The following SEMA6D variants were observed in gnomAD, a reference collection of about 807,000 sequenced individuals.
SEMA6D encodes semaphorin 6D, also known as semaphorin-6D.
In SEMA6D, 35 loss-of-function variants were observed where a neutral mutation model predicts 106.6. The ratio of observed to expected loss-of-function variants is 0.33; its 90% CI spans 0.25 to 0.44. The LOEUF is 0.44. SEMA6D is among the 20% of genes least tolerant of loss of function. The probability of loss-of-function intolerance (pLI) is 1.00; values close to 1 mark genes in which losing one functional copy is unlikely to be tolerated. For synonymous variants in SEMA6D, 499 were observed against 487.7 expected, an observed-to-expected ratio of 1.02 and a Z score of -0.31; for missense variants, 1,185 against 1,345.9, an observed-to-expected ratio of 0.88 and a Z score of 1.87.
chr15:47,454,337 A>G (rs1455046888), intron 2 of SEMA6D, among the ~76,000 whole-genome samples: 2 of 151,928 alleles, frequency 1.3e-5, no homozygotes, highest in African/African-American at 4.8e-5. Flanking sequence ...ACAACTTGTC[A>G]TTTTGATGTT....
chr15:47,742,209 GATA>G (rs1300715396), intron 1 of SEMA6D, among the ~76,000 whole-genome samples: 5 of 152,300 alleles, frequency 3.3e-5, no homozygotes, highest in Middle Eastern at 3.4e-3. Flanking sequence ...ATAAAGCAGT[GATA>G]ATAATACTAC....
chr15:47,651,083 T>C (rs1467543003), intron 4 of SEMA6D, among the ~76,000 whole-genome samples: 1 of 152,170 alleles, frequency 6.6e-6, no homozygotes, highest in Non-Finnish European at 1.5e-5. Context: ...TATTTTCCTT[T>C]TCTCTTACTG....
At chr15:47,374,330 C>G (rs781294475) in intron 1 of SEMA6D, among the ~76,000 whole-genome samples, 14 of 152,048 alleles carry the variant, frequency 9.2e-5, no homozygotes, top group Non-Finnish European at 1.6e-4. Context: ...GTTACCCTTC[C>G]TTGCATCTGT....
chr15:47,274,263 C>T (rs142810421), intron 1 of SEMA6D: 1 of 152,060 alleles, frequency 6.6e-6, no homozygotes, highest in Non-Finnish European at 1.5e-5. Context: ...ATCCTCACCC[C>T]CCTACTGAAA....
At chr15:47,745,031 T>TA (rs1244723288) in intron 1 of SEMA6D, among the ~76,000 whole-genome samples, 5 of 152,178 alleles carry the variant, frequency 3.3e-5, no homozygotes, top group African/African-American at 7.2e-5. Context: ...CCAGATTTTT[T>TA]ACCTCCCTAT....
At chr15:47,328,372 A>G (rs1428909267) in intron 1 of SEMA6D, among the ~76,000 whole-genome samples, 3 of 152,140 alleles carry the variant, frequency 2.0e-5, no homozygotes, top group Admixed American at 6.5e-5. Flanking sequence ...CTGTTCCTGA[A>G]AATCCTGATT....
At chr15:47,649,933 A>T (rs557699825) in intron 4 of SEMA6D, among the ~76,000 whole-genome samples, 1 of 152,204 alleles carries the variant, frequency 6.6e-6, no homozygotes, top group Admixed American at 6.5e-5. Flanking sequence ...GGTTACACTG[A>T]AAGTATTTCT....
chr15:47,594,669 C>G lies in SEMA6D; in HGVS notation c.-86-6196C>G, dbSNP rs547056523. 2.3e-3 allele frequency among the ~76,000 whole-genome samples: 343 copies of G among 152,218 alleles called. 6 individuals carry two copies. In the South Asian group the frequency reaches 0.035, roughly 15 times the overall value. ...TACCTGCTTCCAATAAGCTCCCAGTCTAATGAGGGAGGTGGACCTTTACAC... is the reference window on the plus strand; with the variant it reads ...TACCTGCTTCCAATAAGCTCCCAGTGTAATGAGGGAGGTGGACCTTTACAC... On this transcript the variant is annotated intron_variant, in intron 3 of 19. Coordinates refer to the SEMA6D transcript ENST00000558014.
chr15:47,312,134 C>T (rs1014235330), intron 1 of SEMA6D, among the ~76,000 whole-genome samples: 11 of 123,902 alleles, frequency 8.9e-5, no homozygotes, highest in South Asian at 8.3e-4. Flanking sequence ...TTTGCTTAGG[C>T]GTCTTTCTAG....
chr15:47,523,537 T>G (rs923896457), intron 3 of SEMA6D, among the ~76,000 whole-genome samples: 3 of 152,150 alleles, frequency 2.0e-5, no homozygotes, highest in African/African-American at 7.2e-5. Context: ...CATGGAACTC[T>G]TGAAATGATG....
intron 4 of SEMA6D, among the ~76,000 whole-genome samples, chr15:47,656,207 G>A (rs75566936): frequency 0.18 from 27,226 of 152,142 alleles, 2,999 homozygotes; most frequent in South Asian, 0.27. Flanking sequence ...CAGTATATAC[G>A]AAATAAGGTG....
rs866860616 is a variant in SEMA6D at position 47,264,503 on chromosome 15, A to G, written c.-239+80085A>G. On this transcript the variant is annotated intron_variant, in intron 1 of 19. Transcript: ENST00000558014. ...TTTCAAAACAGTTGTACCATCTTAC[A>G]TTCCCATCAGCAAGGTACGAGAATT... is the stretch of plus-strand genomic sequence containing the variant. Among the ~76,000 whole-genome samples, 21 of 152,206 alleles carry G rather than the reference A, an allele frequency of 1.4e-4. 1 individual carries two copies. The highest frequency in any genetic ancestry group is 3.4e-3 in the Middle Eastern group (1 of 294).
chr15:47,637,478 G>A (rs557175801), intron 4 of SEMA6D, among the ~76,000 whole-genome samples: 9 of 152,014 alleles, frequency 5.9e-5, no homozygotes, highest in South Asian at 2.1e-4. Flanking sequence ...TTTTTCTAGC[G>A]TATCAATCAA....
intron 4 of SEMA6D, among the ~76,000 whole-genome samples, chr15:47,637,523 G>C (rs184412900): frequency 6.6e-6 from 1 of 152,146 alleles, no homozygotes; most frequent in Non-Finnish European, 1.5e-5. Context: ...TCAATGCTCA[G>C]GAGATTGGGG....
At chr15:47,761,473 TC>T in intron 6 of SEMA6D, 42 bp downstream of exon 6, 1 of 1,504,870 alleles carries the variant, frequency 6.6e-7, no homozygotes, top group Non-Finnish European at 9.1e-7. Flanking sequence ...GATCAACTTT[TC>T]TCCCTTCACT....
intron 2 of SEMA6D, among the ~76,000 whole-genome samples, chr15:47,469,105 G>T (rs180826876): frequency 6.2e-4 from 95 of 152,296 alleles, no homozygotes; most frequent in Admixed American, 1.0e-3. Context: ...AGTGGGAGCT[G>T]TCTGCCCAGA....
chr15:47,532,389 C>T (rs917247062), intron 3 of SEMA6D, among the ~76,000 whole-genome samples: 2 of 152,212 alleles, frequency 1.3e-5, no homozygotes, highest in Non-Finnish European at 2.9e-5. Flanking sequence ...GTCTCTCTCC[C>T]TCCTCCTCTG....
At chr15:47,224,619 C>G (rs1357372043) in intron 1 of SEMA6D, among the ~76,000 whole-genome samples, 1 of 152,080 alleles carries the variant, frequency 6.6e-6, no homozygotes, top group African/African-American at 2.4e-5. Flanking sequence ...CCTTATACCT[C>G]ATTTCATTCC....
intron 3 of SEMA6D, among the ~76,000 whole-genome samples, chr15:47,531,718 A>G (rs1483870714): frequency 6.6e-6 from 1 of 152,194 alleles, no homozygotes; most frequent in African/African-American, 2.4e-5. Context: ...ACAATGCTTT[A>G]TTGGGAATCA....
Sources: allele counts gnomAD v4.1 joint callset (sites outside exome capture counted in the v4.1 genomes callset), GRCh38; gene constraint gnomAD v4.1.1; transcripts MANE v1.5; gene names NCBI Gene and HGNC (gene_info 2026-07-23, HGNC 2026-07-21).